Variants in MAP3K5 observed in about 807,000 individuals in gnomAD.
The protein encoded by MAP3K5 is mitogen-activated protein kinase kinase kinase 5, also known as ASK-1.
Under a neutral mutation model 158.7 loss-of-function variants are expected in MAP3K5, and 56 were observed. The ratio of observed to expected loss-of-function variants is 0.35; its 90% confidence interval spans 0.28 to 0.44. MAP3K5 has a LOEUF of 0.44. Among genes scored for constraint, MAP3K5 ranks in the 20% least tolerant of loss-of-function variants. The probability of loss-of-function intolerance (pLI) is 1.00; values close to 1 mark genes in which losing one functional copy is unlikely to be tolerated. For missense variants in MAP3K5, 1,294 were observed against 1,674.8 expected (o/e 0.77, Z 3.97); for synonymous variants, 579 against 601.7 (o/e 0.96, Z 0.55).
chr6:136,754,014 C>T (rs1783344393), intron 1 of MAP3K5, among the ~76,000 whole-genome samples: 1 of 152,176 alleles, frequency 6.6e-6, no homozygotes, highest in Admixed American at 6.5e-5. Context: ...GTGGCTCACG[C>T]CTGTAATCCA....
chr6:136,697,447 A>C lies in MAP3K5; in HGVS notation c.807-60T>G. On this transcript the variant is annotated intron_variant, in intron 4 of 29. Coordinates refer to ENST00000359015, the MANE Select transcript of MAP3K5 (RefSeq NM_005923.4). Reference sequence around the variant, plus strand: ...ATTAGAAACAATTTCAATGAAAAGCAATAATTTTAATAAAGACATGAATGA... The same window carrying C: ...ATTAGAAACAATTTCAATGAAAAGCCATAATTTTAATAAAGACATGAATGA... 3 of 1,365,212 alleles carry C rather than the reference A, an allele frequency of 2.2e-6. No individual in the cohort carries two copies. In the Admixed American group the frequency reaches 6.1e-5, roughly 28 times the overall value. The allele number at this position is 1,365,212 out of a possible 1,614,324, so 84.6% of individuals were successfully genotyped here.
chr6:136,680,222 A>G (rs1779874769), intron 7 of MAP3K5, among the ~76,000 whole-genome samples: 1 of 152,214 alleles, frequency 6.6e-6, no homozygotes, highest in African/African-American at 2.4e-5. Flanking sequence ...ACAGACTTTT[A>G]GTCATGCAAG....
At position 136,611,368 on chromosome 6, in the gene MAP3K5, T is replaced by C. The variant is rs1583271425; in HGVS notation, c.2435A>G (p.Asn812Ser). 1.2e-6 allele frequency: 2 copies of C among 1,606,560 alleles called. No homozygotes were observed. Among genetic ancestry groups the C allele is most frequent in the Non-Finnish European group, 1.7e-6 (2 of 1,173,360 alleles). ...GATCTTGAGAACACCACTGTAGGTATTAATCAACACATTGTCACCCTAGAG... is the reference window on the plus strand; with the variant it reads ...GATCTTGAGAACACCACTGTAGGTACTAATCAACACATTGTCACCCTAGAG... ...RDIKGDNVLI[N>S]TYSGVLKISD... Residue 812 changes from asparagine (N) to serine (S), a missense_variant, in exon 18 of 30, where the codon AAT (asparagine) becomes AGT (serine). Around this residue, in one of 5 missense-constraint regions of MAP3K5, gnomAD observed 362 missense variants for 463.2 expected, o/e 0.78. Coordinates refer to ENST00000359015, the MANE Select transcript of MAP3K5 (RefSeq NM_005923.4).
At chr6:136,762,544 A>G (rs1783805006) in intron 1 of MAP3K5, among the ~76,000 whole-genome samples, 2 of 152,314 alleles carry the variant, frequency 1.3e-5, no homozygotes, top group South Asian at 4.1e-4. Context: ...AGGGGGGAAG[A>G]GAGCTTAGTT....
intron 26 of MAP3K5, among the ~76,000 whole-genome samples, chr6:136,563,680 G>A (rs1364019946): frequency 1.3e-5 from 2 of 152,042 alleles, no homozygotes; most frequent in Non-Finnish European, 2.9e-5. Context: ...AGAGCCAACT[G>A]GTAACCTACT....
chr6:136,745,198 T>C (rs186127508), intron 1 of MAP3K5, among the ~76,000 whole-genome samples: 4 of 151,352 alleles, frequency 2.6e-5, no homozygotes, highest in Admixed American at 6.6e-5. Context: ...GCATCTATTA[T>C]GTATCTTGTT....
intron 8 of MAP3K5, 46 bp downstream of exon 8, chr6:136,669,237 G>T: frequency 8.4e-7 from 1 of 1,194,302 alleles, no homozygotes; most frequent in Non-Finnish European, 1.2e-6. Flanking sequence ...GCACCAAGTT[G>T]GGTCCAGTTT....
At chr6:136,562,387 T>C (rs1324687671) in intron 27 of MAP3K5, 116 bp downstream of exon 27, 1 of 497,444 alleles carries the variant, frequency 2.0e-6, no homozygotes, top group Non-Finnish European at 3.6e-6. Context: ...CTGCTTGCAG[T>C]CATGGTAGAA....
chr6:136,562,646 A>G, intron 26 of MAP3K5, 31 bp from the exon 27 acceptor site: 1 of 1,156,314 alleles, frequency 8.6e-7, no homozygotes, highest in Non-Finnish European at 1.3e-6. Context: ...GTTTGACAGG[A>G]GGTGACACAG....
At chr6:136,682,691 A>C (rs1361286692) in intron 7 of MAP3K5, among the ~76,000 whole-genome samples, 2 of 152,196 alleles carry the variant, frequency 1.3e-5, no homozygotes, top group Non-Finnish European at 2.9e-5. Flanking sequence ...GAAAGACATG[A>C]TTATGCTAAT....
chr6:136,706,676 T>C (rs570044764), intron 2 of MAP3K5, among the ~76,000 whole-genome samples: 1 of 152,200 alleles, frequency 6.6e-6, no homozygotes, highest in Non-Finnish European at 1.5e-5. Context: ...GTGGCCATCA[T>C]CTTCAGCCCA....
intron 1 of MAP3K5, among the ~76,000 whole-genome samples, chr6:136,735,298 G>A (rs995840171): frequency 2.0e-5 from 3 of 152,162 alleles, no homozygotes; most frequent in Non-Finnish European, 4.4e-5. Flanking sequence ...AAACATCACA[G>A]GGGAGAAGAG....
intron 1 of MAP3K5, among the ~76,000 whole-genome samples, chr6:136,725,486 G>A (rs1311240099): frequency 6.6e-6 from 1 of 152,090 alleles, no homozygotes; most frequent in Non-Finnish European, 1.5e-5. Context: ...GTGCTTATTT[G>A]CTATCTGTAT....
intron 15 of MAP3K5, among the ~76,000 whole-genome samples, chr6:136,619,199 A>C (rs1776697495): frequency 6.6e-6 from 1 of 152,156 alleles, no homozygotes; most frequent in Non-Finnish European, 1.5e-5. Flanking sequence ...TGACATTTGA[A>C]TTAAAGCTTA....
At chr6:136,579,893 G>C (rs1210141409) in intron 25 of MAP3K5, 2 of 456,750 alleles carry the variant, frequency 4.4e-6, no homozygotes, top group Non-Finnish European at 8.8e-6. Context: ...TAATTTTAAA[G>C]ACAATTAAAT....
chr6:136,710,973 G>A (rs1781282019), intron 2 of MAP3K5, among the ~76,000 whole-genome samples: 2 of 152,168 alleles, frequency 1.3e-5, no homozygotes, highest in African/African-American at 4.8e-5. Flanking sequence ...CAGATGGGCT[G>A]TCTGGGCCTC....
chr6:136,572,291 T>A (rs543949657), intron 25 of MAP3K5, among the ~76,000 whole-genome samples: 1 of 152,308 alleles, frequency 6.6e-6, no homozygotes, highest in South Asian at 2.1e-4. Context: ...GGGGTTTTGC[T>A]CTTGTTGCCC....
chr6:136,769,949 G>A (rs2115001355), intron 1 of MAP3K5, among the ~76,000 whole-genome samples: 1 of 151,918 alleles, frequency 6.6e-6, no homozygotes, highest in East Asian at 1.9e-4. Context: ...TGGGAGGAAG[G>A]AAGGAAAAGG....
At chr6:136,628,181 AGCTCATT>A (rs1777134270) in intron 14 of MAP3K5, among the ~76,000 whole-genome samples, 1 of 151,684 alleles carries the variant, frequency 6.6e-6, no homozygotes, top group Non-Finnish European at 1.5e-5. Context: ...GTGCCATCAT[AGCTCATT>A]GCAGCCTTGA....
Sources: gnomAD v4.1 joint callset for allele counts (sites outside exome capture counted in the v4.1 genomes callset) on GRCh38, gnomAD v4.1.1 for gene constraint, gnomAD v4.1.1 regional missense constraint, MANE v1.5 for transcripts, NCBI Gene and HGNC (gene_info 2026-07-23, HGNC 2026-07-21) for gene names.